SEMA6B: variants seen among roughly 807,000 people sequenced by gnomAD.
SEMA6B encodes the protein semaphorin 6B.
In SEMA6B, 47 loss-of-function variants were observed where a neutral mutation model predicts 78.6. The observed-to-expected ratio is 0.60, with a 90% confidence interval of 0.47 to 0.76. SEMA6B has a LOEUF of 0.76. Among genes scored for constraint, SEMA6B ranks in the 30% least tolerant of loss-of-function variants. SEMA6B has a pLI of 0.00. For missense variants in SEMA6B, 1,213 were observed against 1,269.9 expected, an observed-to-expected ratio of 0.96 and a Z score of 0.68; for synonymous variants, 632 against 592.2, an observed-to-expected ratio of 1.07 and a Z score of -0.98.
At position 4,548,152 on chromosome 19, in the gene SEMA6B, G is replaced by A. The variant is rs543932524; in HGVS notation, c.1476C>T (p.Gly492=). 3.0e-5 allele frequency: 47 copies of A among 1,590,860 alleles called. 1 individual carries two copies. In the Middle Eastern group the frequency reaches 5.0e-4, roughly 17 times the overall value. The change falls in exon 14 of 17, where the codon GGC becomes GGT. Residue 492 remains glycine, a synonymous_variant. Transcript: ENST00000586582. ...AGCTCAGCAGCCGCTGCCCTGTCTC[G>A]CCACCGCCGGGCCGTCCACACCTGG... The part of the protein sequence containing the change: ...RPDRCGRPGG[G]ETGQRLLSLE...
Position 4,542,631 on chromosome 19 carries a change from G to A in SEMA6B, c.*970C>T, listed in dbSNP as rs1011957668. ...AGTTTTATTGATGGGGAGGGGGCTG[G>A]GGGAGGCAAACTCCAGAGAGGGCAG... On this transcript the variant is annotated 3_prime_UTR_variant, in exon 17 of 17. Coordinates refer to ENST00000586582, the MANE Select transcript of SEMA6B (RefSeq NM_032108.4). The A allele has an allele frequency of 3.6e-6, 2 of 552,674 alleles. No individual in the cohort carries two copies. The highest frequency in any genetic ancestry group is 1.9e-5 in the African/African-American group (1 of 53,246). 34.2% of individuals were successfully genotyped at this position (552,674 alleles called of 1,614,324 possible).
chr19:4,550,042 G>T lies in SEMA6B; in HGVS notation c.1271+81C>A. Reference sequence around the variant, plus strand: ...AGCGCCGGAAGCCATGGGCTCATCTGTGTTGAGCATCTGGATCCTCTCACC... The same window carrying T: ...AGCGCCGGAAGCCATGGGCTCATCTTTGTTGAGCATCTGGATCCTCTCACC... On this transcript the variant is annotated intron_variant, in intron 12 of 16. Coordinates refer to ENST00000586582, the MANE Select transcript of SEMA6B (RefSeq NM_032108.4). This position sits in a 1 kb window ranked among gnomAD's most constrained non-coding sequence, Gnocchi z 6.6. The T allele has an allele frequency of 7.8e-6, 11 of 1,412,276 alleles. No individual in the cohort carries two copies. The highest frequency in any genetic ancestry group is 1.1e-5 in the Non-Finnish European group (11 of 1,015,450). 87.5% of individuals were successfully genotyped at this position (1,412,276 alleles called of 1,614,324 possible).
intron 5 of SEMA6B, among the ~76,000 whole-genome samples, 162 bp downstream of exon 5, chr19:4,556,767 CGTGGCCATGGCTGTTTGGGGGT>C (rs1357441132): frequency 8.2e-6 from 1 of 121,866 alleles, no homozygotes; most frequent in African/African-American, 3.1e-5. Context: ...GGGACGTGGA[CGTGGCCATGGCTGTTTGGGGGT>C]GTGGCCAGGG....
At chr19:4,557,449 C>T (rs533444383) in intron 3 of SEMA6B, among the ~76,000 whole-genome samples, 1 of 152,320 alleles carries the variant, frequency 6.6e-6, no homozygotes, top group South Asian at 2.1e-4. Context: ...CCCCCAACAC[C>T]ATGTCCCATG....
Position 4,555,452 on chromosome 19 carries a change from T to C in SEMA6B, c.562+22A>G, listed in dbSNP as rs1977441070. 1.3e-5 allele frequency: 20 copies of C among 1,597,246 alleles called. No homozygotes were observed. Among genetic ancestry groups the C allele is most frequent in the Non-Finnish European group, 1.7e-5 (20 of 1,170,204 alleles). The stretch of plus-strand genomic sequence containing the variant: ...TTGCCTGTGGCTGGGGCTGATCAGA[T>C]GGAGGTTGGGGGGGTACTTACCAGA... On this transcript the variant is annotated intron_variant, in intron 7 of 16. Coordinates refer to ENST00000586582, the MANE Select transcript of SEMA6B (RefSeq NM_032108.4). This position sits in a 1 kb window ranked among gnomAD's most constrained non-coding sequence, Gnocchi z 6.1.
chr19:4,544,237 CG>C lies in SEMA6B; in HGVS notation c.2030del (p.Pro677ArgfsTer8), dbSNP rs1157163993. Reference sequence around the variant, plus strand: ...GCATCAGGGGCGCCAGCAGGGCCTCCGGGGGAACCCCGGCGCCACCGCCACC... The same window carrying C: ...GCATCAGGGGCGCCAGCAGGGCCTCCGGGGAACCCCGGCGCCACCGCCACC... ...GGGGGGAGVP[P>X]EALLAPLMQN... is the part of the protein sequence containing the mutation. On this transcript the variant is annotated frameshift_variant, in exon 17 of 17. Transcript: ENST00000586582. LOFTEE classifies it high-confidence loss of function. This position sits in a 1 kb window ranked among gnomAD's most constrained non-coding sequence, Gnocchi z 5.1. The C allele has an allele frequency of 2.3e-6, 3 of 1,276,664 alleles. No homozygotes were observed. Among genetic ancestry groups the C allele is most frequent in the South Asian group, 5.1e-5 (2 of 39,432 alleles). 79.1% of individuals were successfully genotyped at this position (1,276,664 alleles called of 1,614,324 possible).
At chr19:4,547,890 G>T in intron 14 of SEMA6B, 137 bp downstream of exon 14, 1 of 1,124,176 alleles carries the variant, frequency 8.9e-7, no homozygotes, top group Non-Finnish European at 1.2e-6. Context: ...CTGCCCGCGG[G>T]CCTTTGCACG....
At chr19:4,557,305 G>A in intron 3 of SEMA6B, 82 bp from the exon 4 acceptor site, 1 of 925,644 alleles carries the variant, frequency 1.1e-6, no homozygotes, top group South Asian at 1.6e-5. Context: ...AATGTGGTGT[G>A]CACACGGGGG....
Position 4,542,804 on chromosome 19 carries a change from C to G in SEMA6B, c.*797G>C. 1 of 701,382 alleles carries G rather than the reference C, an allele frequency of 1.4e-6. No homozygotes were observed. The allele number at this position is 701,382 out of a possible 1,614,324, so 43.4% of individuals were successfully genotyped here. On this transcript the variant is annotated 3_prime_UTR_variant, in exon 17 of 17. Transcript: ENST00000586582. ...CCACCTTCGCCGCCCCCCAGGCCCC[C>G]AAGCCCTTTAGACAGCTGCTGCCGA...
intron 12 of SEMA6B, 114 bp from the exon 13 acceptor site, chr19:4,548,559 G>A: frequency 1.0e-6 from 1 of 956,388 alleles, no homozygotes; most frequent in Non-Finnish European, 1.6e-6. Flanking sequence ...CAACACATGT[G>A]ACAGCAATAA....
chr19:4,554,370 C>A lies in SEMA6B; in HGVS notation c.771+18G>T. 6.3e-7 allele frequency: 1 copy of A among 1,597,888 alleles called. No homozygotes were observed. Among genetic ancestry groups the A allele is most frequent in the Non-Finnish European group, 8.6e-7 (1 of 1,165,322 alleles). On this transcript the variant is annotated intron_variant, in intron 9 of 16. Coordinates refer to ENST00000586582, the MANE Select transcript of SEMA6B (RefSeq NM_032108.4). ...GATCAGAGCCTCTCAACTTCATGCC[C>A]CACTGCACCGGCCTCACCTTCTCCA... is the stretch of plus-strand genomic sequence containing the variant.
chr19:4,558,395 C>A lies in SEMA6B; in HGVS notation c.63G>T (p.Gly21=). The part of the protein sequence containing the change: ...PALLLLLLLL[G]GAHGLFPEEP... ...CCTCAGGAAAGAGGCCGTGGGCGCC[C>A]CCCAGTAGCAGCAGCAGAAGCAGCA... Residue 21 remains glycine (G), a synonymous_variant, in exon 2 of 17, where the codon GGG becomes GGT. Transcript: ENST00000586582. This position sits in a 1 kb window ranked among gnomAD's most constrained non-coding sequence, Gnocchi z 5.1. 7.8e-7 allele frequency: 1 copy of A among 1,275,304 alleles called. No individual in the cohort carries two copies. The highest frequency in any genetic ancestry group is 1.0e-6 in the Non-Finnish European group (1 of 1,002,900). The allele number at this position is 1,275,304 out of a possible 1,614,324, so 79.0% of individuals were successfully genotyped here. A position where few individuals can be genotyped will look rare whatever the true frequency, so the allele number is the denominator to read the frequency against.
At chr19:4,549,914 C>T (rs1304719572) in intron 12 of SEMA6B, among the ~76,000 whole-genome samples, 3 of 152,178 alleles carry the variant, frequency 2.0e-5, no homozygotes, top group Non-Finnish European at 4.4e-5. Context: ...TGCCCAGCCC[C>T]ATCTGTCACC....
intron 10 of SEMA6B, among the ~76,000 whole-genome samples, chr19:4,551,809 A>T (rs1181849818): frequency 6.8e-6 from 1 of 148,132 alleles, no homozygotes; most frequent in African/African-American, 2.5e-5. Context: ...AGCCTGGGCA[A>T]CAAGAGTGAA....
At chr19:4,546,169 A>C (rs1599773657) in intron 16 of SEMA6B, 47 bp downstream of exon 16, 2 of 1,535,824 alleles carry the variant, frequency 1.3e-6, no homozygotes, top group Non-Finnish European at 8.8e-7. Context: ...CCCCTCCCCC[A>C]TGGTAGTGGG....
In SEMA6B at chr19:4,550,361, C is replaced by A. The variant is rs572212481; in HGVS notation, c.1122-89G>T. On this transcript the variant is annotated intron_variant, in intron 11 of 16. Coordinates refer to ENST00000586582, the MANE Select transcript of SEMA6B (RefSeq NM_032108.4). This position sits in a 1 kb window ranked among gnomAD's most constrained non-coding sequence, Gnocchi z 6.6. ...CAGAGGTACCCATTGCTTTGCCCAA[C>A]GACCCTCAGGTTTTTTGTTTGTTTT... The A allele has an allele frequency of 2.1e-6, 3 of 1,418,152 alleles. No homozygotes were observed. The highest frequency in any genetic ancestry group is 2.9e-6 in the Non-Finnish European group (3 of 1,026,980). 87.8% of individuals were successfully genotyped at this position (1,418,152 alleles called of 1,614,324 possible).
intron 12 of SEMA6B, among the ~76,000 whole-genome samples, chr19:4,549,572 G>A (rs1416241475): frequency 5.3e-5 from 8 of 152,114 alleles, no homozygotes; most frequent in Non-Finnish European, 1.2e-4. Flanking sequence ...TCCGCCTCCC[G>A]GGTTCATGCC....
At position 4,554,465 on chromosome 19, in the gene SEMA6B, C is replaced by T; in HGVS notation, c.694G>A (p.Val232Ile). The T allele has an allele frequency of 1.2e-6, 2 of 1,613,834 alleles. No homozygotes were observed. Among genetic ancestry groups the T allele is most frequent in the Non-Finnish European group, 1.7e-6 (2 of 1,179,892 alleles). ...TGGCTGCCCCACTCCACCGCATGGA[C>T]AAAGTAAGGCTCTGCAGGACAGGAG... ...DSKWFKEPYF[V>I]HAVEWGSHVY... Residue 232 changes from valine (V) to isoleucine (I), a missense_variant, in exon 9 of 17, where the codon GTC becomes ATC. Transcript: ENST00000586582.
Position 4,550,243 on chromosome 19 carries a change from T to G in SEMA6B, c.1151A>C (p.Gln384Pro), listed in dbSNP as rs1319607187. ...CGGCAAGGCGCTGGAGGCATTGTAC[T>G]GCATCCCGGGGGCTGCGCAGCACCC... ...RPGCCAAPGM[Q>P]YNASSALPDD... The change falls in exon 12 of 17, where the codon CAG (glutamine) becomes CCG (proline). Residue 384 changes from glutamine (Q) to proline (P), a missense_variant. Coordinates refer to ENST00000586582, the MANE Select transcript of SEMA6B (RefSeq NM_032108.4). The surrounding 1 kb of genome is among the most constrained non-coding windows in gnomAD (Gnocchi z 6.6). The G allele has an allele frequency of 2.5e-6, 4 of 1,606,038 alleles. No homozygotes were observed. Among genetic ancestry groups the G allele is most frequent in the Non-Finnish European group, 2.6e-6 (3 of 1,176,390 alleles).
Sources: gnomAD v4.1 joint callset for allele counts (sites outside exome capture counted in the v4.1 genomes callset) on GRCh38, gnomAD v4.1.1 for gene constraint, Gnocchi (gnomAD v3.1) non-coding constraint, MANE v1.5 for transcripts, NCBI Gene and HGNC (gene_info 2026-07-23, HGNC 2026-07-21) for gene names.